The following CNGB3 variants were observed in gnomAD, a reference collection of about 807,000 sequenced individuals.
The protein encoded by CNGB3 is cyclic nucleotide-gated channel beta-3.
A neutral mutation model predicts 92.8 loss-of-function variants in CNGB3; 86 were observed. The ratio of observed to expected loss-of-function variants is 0.93; its 90% CI spans 0.78 to 1.11. The LOEUF is 1.11. Ranked by LOEUF, CNGB3 falls within the 50% of genes least tolerant of loss-of-function variation. The pLI is 0.00. For synonymous variants in CNGB3, 333 were observed against 332.7 expected (o/e 1.00, Z -0.01); for missense variants, 1,026 against 956.8 (o/e 1.07, Z -0.95).
intron 2 of CNGB3, among the ~76,000 whole-genome samples, chr8:86,737,174 C>T (rs1175293963): frequency 1.3e-5 from 2 of 152,068 alleles, no homozygotes; most frequent in African/African-American, 2.4e-5. Flanking sequence ...AGTGAAAAAA[C>T]AGAGGTGTTT....
At chr8:86,628,832 C>A (rs1822901588) in intron 12 of CNGB3, 87 bp downstream of exon 12, 7 of 1,409,718 alleles carry the variant, frequency 5.0e-6, no homozygotes, top group Admixed American at 3.4e-5. Context: ...ACCTTTTGTT[C>A]AAATCCAACT....
intron 7 of CNGB3, among the ~76,000 whole-genome samples, chr8:86,653,055 G>C (rs1438677027): frequency 6.6e-6 from 1 of 152,006 alleles, no homozygotes; most frequent in Non-Finnish European, 1.5e-5. Flanking sequence ...GATGTCACTA[G>C]GCAATAGGGA....
chr8:86,659,068 G>C, intron 6 of CNGB3: 1 of 852,052 alleles, frequency 1.2e-6, no homozygotes, highest in Non-Finnish European at 1.9e-6. Context: ...GGCCCTGCTG[G>C]GGGCTCCAGG....
At chr8:86,712,520 AC>A (rs1440380995) in intron 3 of CNGB3, among the ~76,000 whole-genome samples, 1 of 151,920 alleles carries the variant, frequency 6.6e-6, no homozygotes, top group Non-Finnish European at 1.5e-5. Context: ...CTACTTAGTT[AC>A]TCCAGCACTA....
At chr8:86,651,599 C>T (rs778407077) in intron 7 of CNGB3, among the ~76,000 whole-genome samples, 6 of 151,850 alleles carry the variant, frequency 4.0e-5, no homozygotes, top group African/African-American at 1.2e-4. Flanking sequence ...TAAATCATAA[C>T]GATCTTTTTG....
chr8:86,667,686 A>G (rs1823770335), intron 5 of CNGB3, among the ~76,000 whole-genome samples: 1 of 152,206 alleles, frequency 6.6e-6, no homozygotes, highest in South Asian at 2.1e-4. Flanking sequence ...AATAATCAAC[A>G]ATGTGAAGCC....
At chr8:86,690,799 C>CATTT (rs1258938582) in intron 3 of CNGB3, among the ~76,000 whole-genome samples, 1 of 152,064 alleles carries the variant, frequency 6.6e-6, no homozygotes, top group East Asian at 1.9e-4. Context: ...TTCCCAGCAC[C>CATTT]ATTTATTAAA....
chr8:86,586,925 A>G (rs1274594227), intron 15 of CNGB3, among the ~76,000 whole-genome samples: 1 of 135,710 alleles, frequency 7.4e-6, no homozygotes, highest in Non-Finnish European at 1.5e-5. Flanking sequence ...GACTTCCACA[A>G]TGGTTGAACT....
rs1296771167 is a variant in CNGB3 at position 86,667,093 on chromosome 8, G to A, written c.684C>T (p.Ala228=). The A allele has an allele frequency of 6.2e-7, 1 of 1,613,892 alleles. No homozygotes were observed. Among genetic ancestry groups the A allele is most frequent in the African/African-American group, 1.3e-5 (1 of 74,914 alleles). Residue 228 remains alanine (A), a synonymous_variant, in exon 6 of 18, where the codon GCC becomes GCT. Transcript: ENST00000320005. ...YLLWLLLVTL[A]YNWNCCFIPL... ...GTATAAAACAGCAGTTCCAGTTATAGGCAAGAGTGACAAGCAAGAGCCACA... is the reference window on the plus strand; with the variant it reads ...GTATAAAACAGCAGTTCCAGTTATAAGCAAGAGTGACAAGCAAGAGCCACA...
chr8:86,577,358 G>C (rs1341314356), intron 17 of CNGB3, among the ~76,000 whole-genome samples: 1 of 152,160 alleles, frequency 6.6e-6, no homozygotes, highest in African/African-American at 2.4e-5. Context: ...TTAAACATTT[G>C]TGATCTATAG....
At chr8:86,607,655 T>C (rs1012326232) in intron 14 of CNGB3, among the ~76,000 whole-genome samples, 4 of 152,116 alleles carry the variant, frequency 2.6e-5, no homozygotes, top group Non-Finnish European at 2.9e-5. Context: ...GTCCCAGAAA[T>C]TGGTGCTTTA....
At chr8:86,640,502 A>C (rs1198374410) in intron 10 of CNGB3, among the ~76,000 whole-genome samples, 1 of 152,096 alleles carries the variant, frequency 6.6e-6, no homozygotes. Context: ...CCTCTACTTT[A>C]ACCTTTAGAG....
chr8:86,661,749 T>C (rs929722414), intron 6 of CNGB3: 40 of 1,584,990 alleles, frequency 2.5e-5, no homozygotes, highest in African/African-American at 5.4e-5. Flanking sequence ...ATCTCAAACA[T>C]CCAGGTGCTT....
intron 3 of CNGB3, among the ~76,000 whole-genome samples, chr8:86,677,134 A>C (rs10094222): frequency 0.33 from 49,705 of 152,028 alleles, 9,516 homozygotes; most frequent in Middle Eastern, 0.53. Context: ...GAGAGCATGG[A>C]AAAAATTCTC....
At chr8:86,630,293 T>C (rs1822937677) in intron 11 of CNGB3, among the ~76,000 whole-genome samples, 1 of 152,138 alleles carries the variant, frequency 6.6e-6, no homozygotes, top group African/African-American at 2.4e-5. Flanking sequence ...ACTTGGTATG[T>C]TAGGAGAGGG....
intron 3 of CNGB3, among the ~76,000 whole-genome samples, chr8:86,703,025 T>G (rs1371450353): frequency 6.6e-6 from 1 of 152,088 alleles, no homozygotes; most frequent in Admixed American, 6.5e-5. Flanking sequence ...TCTATTTGGG[T>G]TTTTGGCATG....
At chr8:86,707,530 T>C (rs918870766) in intron 3 of CNGB3, 1 of 152,620 alleles carries the variant, frequency 6.6e-6, no homozygotes, top group Admixed American at 6.6e-5. Flanking sequence ...AGAATGACAG[T>C]GGCAGGAGCT....
chr8:86,624,109 C>A (rs1444432008), intron 13 of CNGB3, among the ~76,000 whole-genome samples: 1 of 152,182 alleles, frequency 6.6e-6, no homozygotes, highest in African/African-American at 2.4e-5. Flanking sequence ...GTCTTTGCAA[C>A]TCAGAGTATA....
In CNGB3 at chr8:86,648,873, C is replaced by T. The variant is rs779287308; in HGVS notation, c.904-986G>A. Among the ~76,000 whole-genome samples, 11 of 151,416 alleles carry T rather than the reference C, an allele frequency of 7.3e-5. No homozygotes were observed. In the South Asian group the frequency reaches 8.3e-4, roughly 11 times the overall value. On this transcript the variant is annotated intron_variant, in intron 7 of 17. Coordinates refer to ENST00000320005, the MANE Select transcript of CNGB3 (RefSeq NM_019098.5). Reference sequence around the variant, plus strand: ...AAGAGGAAATCAAAATATCACTGTTCGCTGATGATATGATCGTATCCTAGA... The same window carrying T: ...AAGAGGAAATCAAAATATCACTGTTTGCTGATGATATGATCGTATCCTAGA...
Sources: gnomAD v4.1 joint callset for allele counts (sites outside exome capture counted in the v4.1 genomes callset) on GRCh38, gnomAD v4.1.1 for gene constraint, MANE v1.5 for transcripts, NCBI Gene and HGNC (gene_info 2026-07-23, HGNC 2026-07-21) for gene names.